The following PLCH2 variants were observed in gnomAD, a reference collection of about 807,000 sequenced individuals.
PLCH2 encodes phospholipase C eta 2.
In PLCH2, 98 loss-of-function variants were observed where a neutral mutation model predicts 134.7. The ratio of observed to expected loss-of-function variants is 0.73; its 90% CI spans 0.62 to 0.86. The LOEUF (loss-of-function observed/expected upper bound fraction) is 0.86, where lower values mean the gene tolerates loss of function less well. PLCH2 is among the 40% of genes least tolerant of loss of function. The pLI, the probability that PLCH2 is intolerant of heterozygous loss-of-function variation, is 0.00. For missense variants in PLCH2, 1,994 were observed against 1,986.6 expected (o/e 1.00, Z -0.07); for synonymous variants, 974 against 827.5 (o/e 1.18, Z -3.04).
intron 2 of PLCH2, 23 bp from the exon 3 acceptor site, chr1:2,479,711 C>G (rs774618699): frequency 1.2e-5 from 18 of 1,524,118 alleles, no homozygotes; most frequent in Non-Finnish European, 1.4e-5. Flanking sequence ...GGACCTGACC[C>G]GTGCTCCCTC....
intron 11 of PLCH2, among the ~76,000 whole-genome samples, chr1:2,491,574 G>T (rs1642584931): frequency 6.6e-6 from 1 of 152,224 alleles, no homozygotes; most frequent in Non-Finnish European, 1.5e-5. Flanking sequence ...GGGGGGACAT[G>T]ATTGCCTTCC....
chr1:2,465,000 G>T (rs543426234), upstream of PLCH2, among the ~76,000 whole-genome samples: 1 of 152,346 alleles, frequency 6.6e-6, no homozygotes, highest in African/African-American at 2.4e-5. Flanking sequence ...GAGGGCAGGG[G>T]AAGTGGCTGC....
In PLCH2 at chr1:2,504,952, G is replaced by A. The variant is rs1373482230; in HGVS notation, c.3990G>A (p.Gly1330=). 6 of 1,561,228 alleles carry A rather than the reference G, an allele frequency of 3.8e-6. No homozygotes were observed. Among genetic ancestry groups the A allele is most frequent in the Admixed American group, 1.9e-5 (1 of 53,334 alleles). ...GCCCGGCTGGGGAGGGGGTGGCAGG[G>A]GGCCCTGGTTTTGTGCGGCGCTCCT... The part of the protein sequence containing the change: ...SLGPAGEGVA[G]GPGFVRRSSS... The change falls in exon 22 of 22, where the codon GGG becomes GGA. Residue 1330 remains glycine, a synonymous_variant. Coordinates refer to ENST00000378486, the MANE Select transcript of PLCH2 (RefSeq NM_014638.4).
chr1:2,478,320 G>A lies in PLCH2; in HGVS notation c.125-156G>A, dbSNP rs548995148. Reference sequence around the variant, plus strand: ...GCCTTTGCCCTGTCACTGGCAGGGCGGTGTGGGCGGGGCCGGGCGAGGTGA... The same window carrying A: ...GCCTTTGCCCTGTCACTGGCAGGGCAGTGTGGGCGGGGCCGGGCGAGGTGA... On this transcript the variant is annotated intron_variant, in intron 1 of 21. Coordinates refer to ENST00000378486, the MANE Select transcript of PLCH2 (RefSeq NM_014638.4). Among the ~76,000 whole-genome samples the A allele has an allele frequency of 1.4e-3, 214 of 152,316 alleles. 1 individual carries two copies. Among genetic ancestry groups the A allele is most frequent in the Non-Finnish European group, 2.6e-3 (177 of 68,000 alleles).
At chr1:2,480,995 C>T (rs1641935236) in intron 4 of PLCH2, among the ~76,000 whole-genome samples, 1 of 152,256 alleles carries the variant, frequency 6.6e-6, no homozygotes, top group African/African-American at 2.4e-5. Context: ...GCCCTGGGGT[C>T]TCTGACACGC....
chr1:2,474,577 C>A (rs1307819416), upstream of PLCH2, among the ~76,000 whole-genome samples: 1 of 152,204 alleles, frequency 6.6e-6, no homozygotes, highest in Non-Finnish European at 1.5e-5. Context: ...AGCCCTAACC[C>A]CAGCTGATGG....
At chr1:2,492,960 T>C (rs1244268827) in intron 11 of PLCH2, 3 of 152,246 alleles carry the variant, frequency 2.0e-5, no homozygotes, top group Middle Eastern at 6.8e-3. Context: ...CGGTGAGTGC[T>C]TGTGCAGCCA....
chr1:2,457,455 A>G (rs1640548955), intron 2 of PLCH2, among the ~76,000 whole-genome samples: 1 of 152,136 alleles, frequency 6.6e-6, no homozygotes, highest in Non-Finnish European at 1.5e-5. Context: ...GCTTCTCGCC[A>G]GGGTTCCCCA....
intron 21 of PLCH2, chr1:2,503,698 T>G: frequency 1.5e-6 from 1 of 647,518 alleles, no homozygotes; most frequent in East Asian, 2.7e-5. Context: ...GAGGGCCCCG[T>G]GTGCGGCACA....
chr1:2,425,018 A>G (rs918930341), upstream of PLCH2, among the ~76,000 whole-genome samples: 1 of 150,524 alleles, frequency 6.6e-6, no homozygotes, highest in Non-Finnish European at 1.5e-5. Flanking sequence ...ACAAAATTAG[A>G]CGTGCGTGGT....
At chr1:2,447,429 C>T (rs1439527730) in intron 2 of PLCH2, among the ~76,000 whole-genome samples, 1 of 152,222 alleles carries the variant, frequency 6.6e-6, no homozygotes, top group Non-Finnish European at 1.5e-5. Context: ...CTCCCCTCCC[C>T]CAGGTTCTGC....
chr1:2,503,947 G>A lies in PLCH2; in HGVS notation c.2985G>A (p.Arg995=). 7.4e-7 allele frequency: 1 copy of A among 1,355,078 alleles called. No homozygotes were observed. The highest frequency in any genetic ancestry group is 1.0e-6 in the Non-Finnish European group (1 of 982,326). The allele number at this position is 1,355,078 out of a possible 1,614,324, so 83.9% of individuals were successfully genotyped here. ...ACACCCGCCCCCTCTCCACGCAGCG[G>A]CCACTCCCCCCACTGTGCAGCCTGG... ...PRDTRPLSTQ[R]PLPPLCSLET... is the part of the protein sequence containing the mutation. Residue 995 remains arginine (R), a synonymous_variant, in exon 22 of 22, where the codon CGG becomes CGA. Coordinates refer to ENST00000378486, the MANE Select transcript of PLCH2 (RefSeq NM_014638.4).
intron 4 of PLCH2, among the ~76,000 whole-genome samples, chr1:2,480,999 G>A (rs1641935380): frequency 6.6e-6 from 1 of 152,218 alleles, no homozygotes; most frequent in Admixed American, 6.5e-5. Context: ...TGGGGTCTCT[G>A]ACACGCACAT....
In PLCH2 at chr1:2,449,689, T is replaced by A. The variant is rs555976624; in HGVS notation, c.115+19060T>A. ...GACATGGCTCTGGAGCTGGGCAGAC[T>A]TGGATCCCAAATCTGCAACTGTGTG... is the stretch of plus-strand genomic sequence containing the variant. On this transcript the variant is annotated intron_variant, in intron 2 of 3. Coordinates refer to the PLCH2 transcript ENST00000609981. Among the ~76,000 whole-genome samples the A allele has an allele frequency of 2.0e-5, 3 of 152,292 alleles. No homozygotes were observed. The East Asian group carries it at 5.8e-4, about 29-fold the overall frequency.
At chr1:2,486,689 G>A (rs538410734) in intron 5 of PLCH2, among the ~76,000 whole-genome samples, 2 of 152,370 alleles carry the variant, frequency 1.3e-5, no homozygotes, top group East Asian at 1.9e-4. Flanking sequence ...TGAGGTCAGA[G>A]GCCCCTCCCG....
chr1:2,440,890 C>G (rs566520903), intron 2 of PLCH2, among the ~76,000 whole-genome samples: 1 of 152,352 alleles, frequency 6.6e-6, no homozygotes, highest in East Asian at 1.9e-4. Context: ...CACGTCCCCC[C>G]GGGAACGGAA....
chr1:2,424,415 T>G (rs1423897509), upstream of PLCH2, among the ~76,000 whole-genome samples: 1 of 152,346 alleles, frequency 6.6e-6, no homozygotes, highest in Admixed American at 6.5e-5. Context: ...CTTTCTACCC[T>G]GCTTCTATGA....
intron 2 of PLCH2, among the ~76,000 whole-genome samples, chr1:2,452,984 C>A (rs893568850): frequency 1.3e-5 from 2 of 152,140 alleles, no homozygotes; most frequent in Non-Finnish European, 2.9e-5. Context: ...GATCCATTCC[C>A]GGTGGGGGCG....
chr1:2,455,258 C>T (rs1049690358), intron 2 of PLCH2, among the ~76,000 whole-genome samples: 7 of 152,190 alleles, frequency 4.6e-5, no homozygotes, highest in Non-Finnish European at 8.8e-5. Context: ...ACGTTGGCTG[C>T]GTGATGGCCA....
Sources: gnomAD v4.1 joint callset for allele counts (sites outside exome capture counted in the v4.1 genomes callset) on GRCh38, gnomAD v4.1.1 for gene constraint, MANE v1.5 for transcripts, NCBI Gene and HGNC (gene_info 2026-07-23, HGNC 2026-07-21) for gene names.